The following PTPN1 variants were observed in gnomAD, a reference collection of about 807,000 sequenced individuals.
The protein encoded by PTPN1 is tyrosine-protein phosphatase non-receptor type 1.
PTPN1 carries 12 observed loss-of-function variants against 59.9 expected under a neutral mutation model. The ratio of observed to expected loss-of-function variants is 0.20; its 90% CI spans 0.13 to 0.32. The LOEUF (loss-of-function observed/expected upper bound fraction) is 0.32. Among genes scored for constraint, PTPN1 ranks in the 10% least tolerant of loss-of-function variants. The probability of loss-of-function intolerance (pLI) is 1.00; values close to 1 mark genes in which losing one functional copy is unlikely to be tolerated. For missense variants in PTPN1, 356 were observed against 549.2 expected, an observed-to-expected ratio of 0.65 and a Z score of 3.52; for synonymous variants, 178 against 203.6, an observed-to-expected ratio of 0.87 and a Z score of 1.07.
intron 1 of PTPN1, among the ~76,000 whole-genome samples, chr20:50,530,676 C>G (rs1026397878): frequency 6.6e-6 from 1 of 151,272 alleles, no homozygotes; most frequent in Non-Finnish European, 1.5e-5. Flanking sequence ...CGTGAGCCAC[C>G]ACGCCTGGCC....
Position 50,524,854 on chromosome 20 carries a change from C to T in PTPN1, c.63+14264C>T, listed in dbSNP as rs139766158. On this transcript the variant is annotated intron_variant, in intron 1 of 9. Coordinates refer to ENST00000371621, the MANE Select transcript of PTPN1 (RefSeq NM_002827.4). ...CCTCCCAAAGTGCTGGGATTACAGG[C>T]GTGAGCCACCATGCCCAGCCTATGT... 1.9e-3 allele frequency among the ~76,000 whole-genome samples: 294 copies of T among 152,018 alleles called. 7 individuals are homozygous for T. The East Asian group carries it at 0.051, about 26-fold the overall frequency.
chr20:50,568,531 A>T lies in PTPN1; in HGVS notation c.354+53A>T. The stretch of plus-strand genomic sequence containing the variant: ...TGTGATCATGCATACCACTCCATAT[A>T]GTTACCATTTTCGTCCAGATTTTTA... On this transcript the variant is annotated intron_variant, in intron 4 of 9. Transcript: ENST00000371621. This position sits in a 1 kb window ranked among gnomAD's most constrained non-coding sequence, Gnocchi z 5.6. 1 of 1,362,308 alleles carries T rather than the reference A, an allele frequency of 7.3e-7. No individual in the cohort carries two copies. The highest frequency in any genetic ancestry group is 1.2e-5 in the South Asian group (1 of 84,714). 84.4% of individuals were successfully genotyped at this position (1,362,308 alleles called of 1,614,324 possible).
At chr20:50,559,378 A>G (rs528883687) in intron 1 of PTPN1, among the ~76,000 whole-genome samples, 4 of 152,274 alleles carry the variant, frequency 2.6e-5, no homozygotes, top group Non-Finnish European at 5.9e-5. Flanking sequence ...GCATTGCTTC[A>G]TTGCTGGCCA....
At chr20:50,561,263 T>G in intron 1 of PTPN1, 100 bp from the exon 2 acceptor site, 1 of 888,678 alleles carries the variant, frequency 1.1e-6, no homozygotes, top group Non-Finnish European at 1.8e-6. Context: ...ATTATCACCT[T>G]GCATTTCCCA....
At chr20:50,546,900 C>T (rs2082678333) in intron 1 of PTPN1, among the ~76,000 whole-genome samples, 1 of 152,204 alleles carries the variant, frequency 6.6e-6, no homozygotes, top group African/African-American at 2.4e-5. Flanking sequence ...CCACTGTCCT[C>T]CGGCAAACAG....
In PTPN1 at chr20:50,579,053, C is replaced by A. The variant is rs555919686; in HGVS notation, c.703-115C>A. On this transcript the variant is annotated intron_variant, in intron 6 of 9. Transcript: ENST00000371621. Reference sequence around the variant, plus strand: ...ACCTCCCACCCAGCCCCACCTCCAACACTAGGGATCACATTTCAGCATGAG... The same window carrying A: ...ACCTCCCACCCAGCCCCACCTCCAAAACTAGGGATCACATTTCAGCATGAG... 5 of 1,246,514 alleles carry A rather than the reference C, an allele frequency of 4.0e-6. No individual in the cohort carries two copies. In the Admixed American group the frequency reaches 7.6e-5, roughly 19 times the overall value. The allele number at this position is 1,246,514 out of a possible 1,614,324, so 77.2% of individuals were successfully genotyped here.
At chr20:50,515,020 C>T (rs758409704) in intron 1 of PTPN1, among the ~76,000 whole-genome samples, 3 of 152,202 alleles carry the variant, frequency 2.0e-5, no homozygotes, top group Non-Finnish European at 4.4e-5. Flanking sequence ...TCTAGTTTCA[C>T]ACTGCAGAAA....
intron 4 of PTPN1, 159 bp from the exon 5 acceptor site, chr20:50,574,358 C>T (rs551261413): frequency 4.2e-6 from 3 of 707,818 alleles, no homozygotes; most frequent in Non-Finnish European, 6.5e-6. Flanking sequence ...CCACCCCCAT[C>T]TCCCCATGAG....
chr20:50,581,100 G>T (rs1311816221), intron 8 of PTPN1, among the ~76,000 whole-genome samples, 165 bp from the exon 9 acceptor site: 2 of 152,130 alleles, frequency 1.3e-5, no homozygotes, highest in Non-Finnish European at 2.9e-5. Context: ...GCCCTGGCCT[G>T]GCCCTCCCTC....
At chr20:50,541,815 C>T (rs2082654096) in intron 1 of PTPN1, among the ~76,000 whole-genome samples, 1 of 152,164 alleles carries the variant, frequency 6.6e-6, no homozygotes. Context: ...TTTATTACCA[C>T]CCATTGAGGC....
chr20:50,559,541 A>G (rs1000365406), intron 1 of PTPN1, among the ~76,000 whole-genome samples: 1 of 152,158 alleles, frequency 6.6e-6, no homozygotes, highest in African/African-American at 2.4e-5. Flanking sequence ...GTCTGTTTTT[A>G]TCATTATGAA....
chr20:50,532,068 T>C (rs2082603822), intron 1 of PTPN1, among the ~76,000 whole-genome samples: 2 of 152,196 alleles, frequency 1.3e-5, no homozygotes. Context: ...ACTTTCTACC[T>C]CTGTATTTAA....
intron 4 of PTPN1, chr20:50,572,178 T>A (rs907974804): frequency 1.3e-5 from 2 of 152,236 alleles, no homozygotes; most frequent in African/African-American, 4.8e-5. Context: ...GATGCTAGCA[T>A]GTTGGCACTG....
intron 1 of PTPN1, among the ~76,000 whole-genome samples, chr20:50,537,928 A>C (rs1156606913): frequency 6.6e-6 from 1 of 152,342 alleles, no homozygotes; most frequent in East Asian, 1.9e-4. Context: ...GAGTAGAGTA[A>C]GTAGAAGAAT....
chr20:50,581,173 G>A, intron 8 of PTPN1, 92 bp from the exon 9 acceptor site: 6 of 1,495,466 alleles, frequency 4.0e-6, no homozygotes, highest in Non-Finnish European at 5.4e-6. Flanking sequence ...CACGTGGCTT[G>A]TTTTTTCCTA....
At chr20:50,536,584 G>A (rs1435028706) in intron 1 of PTPN1, among the ~76,000 whole-genome samples, 1 of 152,208 alleles carries the variant, frequency 6.6e-6, no homozygotes, top group Non-Finnish European at 1.5e-5. Context: ...ACACAGGGAA[G>A]GCGTGTGGCC....
At position 50,569,083 on chromosome 20, in the gene PTPN1, C is replaced by G. The variant is rs542731996; in HGVS notation, c.354+605C>G. Among the ~76,000 whole-genome samples the G allele has an allele frequency of 3.9e-5, 6 of 152,302 alleles. No homozygotes were observed. In the East Asian group the frequency reaches 1.2e-3, roughly 29 times the overall value. ...GTGCAGGCCACCACTCCTCTTGCAT[C>G]TGGGTCTAGCCACCTCTCCTTCTTG... On this transcript the variant is annotated intron_variant, in intron 4 of 9. Transcript: ENST00000371621.
intron 1 of PTPN1, among the ~76,000 whole-genome samples, chr20:50,538,193 C>T (rs142301535): frequency 9.3e-5 from 14 of 150,092 alleles, no homozygotes; most frequent in Middle Eastern, 3.4e-3. Flanking sequence ...AAAACAATCC[C>T]GAGTTTTGAT....
At chr20:50,572,633 C>T (rs1443971938) in intron 4 of PTPN1, 1 of 152,222 alleles carries the variant, frequency 6.6e-6, no homozygotes, top group Non-Finnish European at 1.5e-5. Context: ...CTGTTCTTCG[C>T]TTCCTTCTCT....
Sources: gnomAD v4.1 joint callset for allele counts (sites outside exome capture counted in the v4.1 genomes callset) on GRCh38, gnomAD v4.1.1 for gene constraint, Gnocchi (gnomAD v3.1) non-coding constraint, MANE v1.5 for transcripts, NCBI Gene and HGNC (gene_info 2026-07-23, HGNC 2026-07-21) for gene names.